The following LIPN variants were observed in gnomAD, a reference collection of about 807,000 sequenced individuals.
The protein encoded by LIPN is lipase family member N.
LIPN carries 32 observed loss-of-function variants against 43.7 expected under a neutral mutation model. That is an observed-to-expected ratio of 0.73 (90% CI 0.55 to 0.98). LIPN has a LOEUF of 0.98. Among genes scored for constraint, LIPN ranks in the 50% least tolerant of loss-of-function variants. LIPN has a pLI of 0.00. For synonymous variants in LIPN, 156 were observed against 157.6 expected (o/e 0.99, Z 0.08); for missense variants, 505 against 483.8 (o/e 1.04, Z -0.41).
Position 88,766,273 on chromosome 10 carries a change from G to T in LIPN, c.430G>T (p.Asp144Tyr). ...AGCCCCTGTTTTATTTTGCAGTTTT[G>T]ATGAAATGGCCAAATATGATCTCCC... The part of the protein sequence containing the change: ...TDEKFWAFSF[D>Y]EMAKYDLPGV... The change falls in exon 5 of 10, where the codon GAT (aspartate) becomes TAT (tyrosine). Residue 144 changes from aspartate to tyrosine, a missense_variant. By Grantham distance (160) the Asp-to-Tyr change is radical (BLOSUM62 -3). Transcript: ENST00000404459. 6.4e-7 allele frequency: 1 copy of T among 1,567,750 alleles called. No homozygotes were observed. Among genetic ancestry groups the T allele is most frequent in the Non-Finnish European group, 8.8e-7 (1 of 1,142,610 alleles).
chr10:88,774,303 T>G (rs956783008), intron 7 of LIPN, among the ~76,000 whole-genome samples, 170 bp from the exon 8 acceptor site: 2 of 152,030 alleles, frequency 1.3e-5, no homozygotes, highest in African/African-American at 4.8e-5. Flanking sequence ...CAGCTTGTGG[T>G]TCACTCACAT....
chr10:88,768,843 A>G lies in LIPN; in HGVS notation c.587A>G (p.Asn196Ser). 3.7e-6 allele frequency: 6 copies of G among 1,611,580 alleles called. No homozygotes were observed. The highest frequency in any genetic ancestry group is 5.1e-6 in the Non-Finnish European group (6 of 1,178,542). Residue 196 changes from asparagine (N) to serine (S), a missense_variant, in exon 6 of 10, where the codon AAT becomes AGT. Transcript: ENST00000404459. ...MPELAQRIKM[N>S]FALGPTISFK... ...GAACTGGCACAAAGAATCAAAATGA[A>G]TTTTGCCTTGGGTCCTACGATCTCA... is the stretch of plus-strand genomic sequence containing the variant.
chr10:88,777,757 T>A (rs1237083786), intron 9 of LIPN, among the ~76,000 whole-genome samples: 1 of 152,066 alleles, frequency 6.6e-6, no homozygotes, highest in Non-Finnish European at 1.5e-5. Flanking sequence ...CAGGTGGAAA[T>A]AATTTTTTGC....
rs1842973702 is a variant in LIPN at position 88,760,071 on chromosome 10, G to A, written c.-44G>A. Among the ~76,000 whole-genome samples, 1 of 152,000 alleles carries A rather than the reference G, an allele frequency of 6.6e-6. No homozygotes were observed. The highest frequency in any genetic ancestry group is 1.5e-5 in the Non-Finnish European group (1 of 67,982). The stretch of plus-strand genomic sequence containing the variant: ...AAGTTCAGAAGTTCCTCATCAATAA[G>A]GAGTCCTTGTGAGCAGGTGAAGCTC... On this transcript the variant is annotated 5_prime_UTR_variant, in exon 1 of 10. Coordinates refer to ENST00000404459, the MANE Select transcript of LIPN (RefSeq NM_001102469.2).
Position 88,764,572 on chromosome 10 carries a change from C to T in LIPN, c.389C>T (p.Thr130Ile). The T allele has an allele frequency of 6.2e-7, 1 of 1,611,444 alleles. No individual in the cohort carries two copies. The highest frequency in any genetic ancestry group is 8.5e-7 in the Non-Finnish European group (1 of 1,178,516). ...AACACTTGGTCAAGAAGACACAAAA[C>T]ACTCTCAGAGACAGATGAGAAATTC... is the stretch of plus-strand genomic sequence containing the variant. ...RGNTWSRRHK[T>I]LSETDEKFWA... Residue 130 changes from threonine (T) to isoleucine (I), a missense_variant, in exon 4 of 10, where the codon ACA (threonine) becomes ATA (isoleucine). Transcript: ENST00000404459.
At chr10:88,759,151 T>C (rs1842962514), upstream of LIPN, among the ~76,000 whole-genome samples, 1 of 152,172 alleles carries the variant, frequency 6.6e-6, no homozygotes, top group South Asian at 2.1e-4. Flanking sequence ...TTTGTTTAAT[T>C]GGCATGAAAT....
upstream of LIPN, among the ~76,000 whole-genome samples, chr10:88,758,617 T>C (rs1842956124): frequency 6.7e-6 from 1 of 150,234 alleles, no homozygotes; most frequent in Non-Finnish European, 1.5e-5. Context: ...TAATACTCAG[T>C]AATATATTAA....
At chr10:88,770,558 G>C (rs1054273588) in intron 6 of LIPN, among the ~76,000 whole-genome samples, 2 of 151,774 alleles carry the variant, frequency 1.3e-5, no homozygotes, top group African/African-American at 4.8e-5. Flanking sequence ...TCCTCATCTG[G>C]AGACACATTC....
intron 5 of LIPN, among the ~76,000 whole-genome samples, chr10:88,767,943 A>G (rs113050700): frequency 0.017 from 2,554 of 150,972 alleles, 15 homozygotes; most frequent in Middle Eastern, 0.031. Context: ...CTTTTTATCA[A>G]TTGTTCAGTC....
rs370012015 is a variant in LIPN, at chr10:88,766,383, G to A, written c.535+5G>A. On this transcript the variant is annotated splice_donor_5th_base_variant and intron_variant, in intron 5 of 9. Transcript: ENST00000404459. The stretch of plus-strand genomic sequence containing the variant: ...ATTCACTTGGCACTACAATAGGTAT[G>A]TTTATGAGGGTCACTGTTAGGTGTG... 3.3e-6 allele frequency: 5 copies of A among 1,498,428 alleles called. No homozygotes were observed. The highest frequency in any genetic ancestry group is 4.6e-6 in the Non-Finnish European group (5 of 1,076,028). The allele number at this position is 1,498,428 out of a possible 1,614,324, so 92.8% of individuals were successfully genotyped here. A position where few individuals can be genotyped will look rare whatever the true frequency, so the allele number is the denominator to read the frequency against.
At chr10:88,766,107 A>G (rs865826046) in intron 4 of LIPN, among the ~76,000 whole-genome samples, 162 bp from the exon 5 acceptor site, 3 of 152,120 alleles carry the variant, frequency 2.0e-5, no homozygotes, top group African/African-American at 7.2e-5. Context: ...GCAGAAAAAC[A>G]AAAAGCTACA....
Position 88,762,304 on chromosome 10 carries a change from A to C in LIPN, c.225A>C (p.Thr75=). ...ATGGGCGAACACATGCTAGGAGCAC[A>C]GGTACAAGATATGTCTCTCCTGAAA... ...IPYGRTHARS[T]GPRPVVYMQH... is the part of the protein sequence containing the mutation. Residue 75 remains threonine, a splice_region_variant and synonymous_variant, in exon 3 of 10, where the codon ACA becomes ACC. Transcript: ENST00000404459. 6.3e-7 allele frequency: 1 copy of C among 1,581,244 alleles called. No individual in the cohort carries two copies. The highest frequency in any genetic ancestry group is 8.7e-7 in the Non-Finnish European group (1 of 1,155,304).
upstream of LIPN, among the ~76,000 whole-genome samples, chr10:88,757,869 A>T (rs918127899): frequency 6.6e-6 from 1 of 152,160 alleles, no homozygotes; most frequent in Non-Finnish European, 1.5e-5. Context: ...ATGCAAAATA[A>T]ATTAGATAAA....
At chr10:88,765,659 ATATC>A (rs765729384) in intron 4 of LIPN, among the ~76,000 whole-genome samples, 12 of 151,888 alleles carry the variant, frequency 7.9e-5, no homozygotes, top group Non-Finnish European at 1.3e-4. Flanking sequence ...TATTAAATAT[ATATC>A]TATATATCCA....
At chr10:88,771,929 T>A (rs1238771990) in intron 7 of LIPN, among the ~76,000 whole-genome samples, 3 of 151,858 alleles carry the variant, frequency 2.0e-5, no homozygotes, top group Non-Finnish European at 4.4e-5. Flanking sequence ...TTATTGCCTA[T>A]CTTTTTGATA....
intron 6 of LIPN, chr10:88,769,513 GTTT>G (rs139741198): frequency 9.0e-5 from 66 of 731,786 alleles, no homozygotes; most frequent in East Asian, 4.1e-4. Context: ...CTATTAAAGG[GTTT>G]TTTTTTTTTT....
chr10:88,764,686 A>T, intron 4 of LIPN, 78 bp downstream of exon 4: 1 of 1,042,580 alleles, frequency 9.6e-7, no homozygotes. Context: ...ATTAATGATT[A>T]TCTTTGACGC....
intron 3 of LIPN, among the ~76,000 whole-genome samples, chr10:88,762,522 A>G (rs1048519759): frequency 2.6e-5 from 4 of 152,114 alleles, no homozygotes; most frequent in African/African-American, 9.7e-5. Context: ...GATCTTGCTA[A>G]CTGCAACCAG....
At position 88,774,460 on chromosome 10, in the gene LIPN, T is replaced by G. The variant is rs751031417; in HGVS notation, c.820-13T>G. On this transcript the variant is annotated splice_polypyrimidine_tract_variant and intron_variant, in intron 7 of 9. Coordinates refer to ENST00000404459, the MANE Select transcript of LIPN (RefSeq NM_001102469.2). Reference sequence around the variant, plus strand: ...TTGGGCAATTGCTGTAATATGAGTTTTATCTCCTTTAGAGTCGAATGGATG... The same window carrying G: ...TTGGGCAATTGCTGTAATATGAGTTGTATCTCCTTTAGAGTCGAATGGATG... The G allele has an allele frequency of 3.1e-6, 5 of 1,599,516 alleles. No individual in the cohort carries two copies. The highest frequency in any genetic ancestry group is 3.4e-6 in the Non-Finnish European group (4 of 1,170,668).
Sources: allele counts gnomAD v4.1 joint callset (sites outside exome capture counted in the v4.1 genomes callset), GRCh38; gene constraint gnomAD v4.1.1; transcripts MANE v1.5; gene names NCBI Gene and HGNC (gene_info 2026-07-23, HGNC 2026-07-21).